Variants in KCNMA1 observed in about 807,000 individuals in gnomAD.
KCNMA1 encodes the protein Calcium-activated potassium channel subunit alpha-1.
A neutral mutation model predicts 140.0 loss-of-function variants in KCNMA1; 29 were observed. The ratio of observed to expected loss-of-function variants is 0.21; its 90% confidence interval spans 0.15 to 0.28. KCNMA1 has a LOEUF of 0.28. Among genes scored for constraint, KCNMA1 ranks in the 10% least tolerant of loss-of-function variants. The pLI, the probability that KCNMA1 is intolerant of heterozygous loss-of-function variation, is 1.00. For missense variants in KCNMA1, 880 were observed against 1,602.2 expected, an observed-to-expected ratio of 0.55 and a Z score of 7.70; for synonymous variants, 612 against 611.9, an observed-to-expected ratio of 1.00 and a Z score of 0.00.
chr10:77,358,151 G>A (rs73286078), intron 2 of KCNMA1, among the ~76,000 whole-genome samples: 2,247 of 152,146 alleles, frequency 0.015, 54 homozygotes, highest in African/African-American at 0.051. Flanking sequence ...AGAATCCTCC[G>A]TCCCACCCCC....
At chr10:77,387,793 T>C (rs1453238535) in intron 2 of KCNMA1, among the ~76,000 whole-genome samples, 1 of 152,038 alleles carries the variant, frequency 6.6e-6, no homozygotes, top group Non-Finnish European at 1.5e-5. Flanking sequence ...AATTTTTACA[T>C]TTTTAGTTGA....
chr10:77,013,742 T>C (rs2091401188), intron 17 of KCNMA1, among the ~76,000 whole-genome samples: 1 of 152,164 alleles, frequency 6.6e-6, no homozygotes, highest in African/African-American at 2.4e-5. Context: ...GAAGGAGGTA[T>C]GATTATTATT....
rs553254529 is a variant in KCNMA1, at chr10:77,450,930, A to G, written c.379-46907T>C. On this transcript the variant is annotated intron_variant, in intron 1 of 27. Coordinates refer to ENST00000286628, the MANE Select transcript of KCNMA1 (RefSeq NM_001161352.2). ...GTTCTCATTATAGTGAATAGGTCTC[A>G]TGAGATCTGATGGTTTTATTAAGGG... Among the ~76,000 whole-genome samples the G allele has an allele frequency of 2.4e-4, 36 of 152,324 alleles. 1 individual carries two copies. In the South Asian group the frequency reaches 7.2e-3, roughly 31 times the overall value.
At chr10:77,631,084 G>C (rs2093133632) in intron 1 of KCNMA1, among the ~76,000 whole-genome samples, 1 of 121,960 alleles carries the variant, frequency 8.2e-6, no homozygotes, top group South Asian at 2.5e-4. Flanking sequence ...TCCAGCCTGG[G>C]CAACAGAGTG....
intron 1 of KCNMA1, among the ~76,000 whole-genome samples, chr10:77,547,255 C>A (rs1426875148): frequency 6.6e-6 from 1 of 152,206 alleles, no homozygotes; most frequent in African/African-American, 2.4e-5. Flanking sequence ...CAGACATCTA[C>A]TTTCAAGCTG....
intron 23 of KCNMA1, among the ~76,000 whole-genome samples, chr10:76,919,549 C>T (rs1321824630): frequency 6.6e-6 from 1 of 152,004 alleles, no homozygotes. Flanking sequence ...TTTGAACTTC[C>T]CAGATTATCT....
At chr10:77,075,182 CAAAGG>C (rs1406104765) in intron 13 of KCNMA1, among the ~76,000 whole-genome samples, 1 of 152,168 alleles carries the variant, frequency 6.6e-6, no homozygotes, top group African/African-American at 2.4e-5. Context: ...GTCAAACTAT[CAAAGG>C]ACCTTCCCCA....
chr10:77,483,510 T>C (rs540107681), intron 1 of KCNMA1, among the ~76,000 whole-genome samples: 14 of 152,260 alleles, frequency 9.2e-5, no homozygotes, highest in Non-Finnish European at 1.8e-4. Flanking sequence ...CTGGGAAAAC[T>C]GGGGTGGAGG....
intron 23 of KCNMA1, chr10:76,939,847 T>A (rs2061523713): frequency 6.6e-6 from 1 of 152,194 alleles, no homozygotes; most frequent in South Asian, 2.1e-4. Flanking sequence ...TCTTCCAAGA[T>A]CAGACTCAGT....
downstream of KCNMA1, chr10:76,873,981 C>G (rs775741990): frequency 3.3e-5 from 5 of 151,854 alleles, no homozygotes; most frequent in Non-Finnish European, 7.4e-5. Flanking sequence ...AATTTGGGGT[C>G]TCTTGAACCT....
intron 6 of KCNMA1, among the ~76,000 whole-genome samples, chr10:77,118,076 T>G (rs1212461117): frequency 1.3e-5 from 2 of 152,210 alleles, no homozygotes; most frequent in African/African-American, 4.8e-5. Context: ...CAACTCCAAA[T>G]CATTATTTCA....
intron 9 of KCNMA1, among the ~76,000 whole-genome samples, chr10:77,100,067 G>A (rs1461048616): frequency 6.6e-6 from 1 of 152,146 alleles, no homozygotes; most frequent in Non-Finnish European, 1.5e-5. Flanking sequence ...GCATTTCACT[G>A]GGAAGACGCT....
intron 1 of KCNMA1, among the ~76,000 whole-genome samples, chr10:77,527,249 C>T (rs1045643524): frequency 6.6e-6 from 1 of 152,240 alleles, no homozygotes; most frequent in Admixed American, 6.5e-5. Flanking sequence ...TGGGGCTCCC[C>T]TCTTCATTTC....
intron 3 of KCNMA1, among the ~76,000 whole-genome samples, chr10:77,214,024 C>A (rs2046942657): frequency 6.6e-6 from 1 of 152,136 alleles, no homozygotes; most frequent in Admixed American, 6.6e-5. Context: ...CCACCATTGT[C>A]ATCACCCCTG....
At chr10:77,244,615 T>C (rs1284200499) in intron 3 of KCNMA1, among the ~76,000 whole-genome samples, 1 of 152,172 alleles carries the variant, frequency 6.6e-6, no homozygotes, top group African/African-American at 2.4e-5. Flanking sequence ...TCTACCTATA[T>C]GGAGACAAGG....
chr10:77,286,766 CGGGGGGGG>C (rs59896024), intron 2 of KCNMA1, among the ~76,000 whole-genome samples: 34,537 of 137,032 alleles, frequency 0.25, 4,841 homozygotes, highest in Admixed American at 0.32. Context: ...TGTGTGTGTG[CGGGGGGGG>C]GGGGGGGGTT....
At chr10:77,038,701 G>A (rs997909099) in intron 15 of KCNMA1, among the ~76,000 whole-genome samples, 13 of 152,032 alleles carry the variant, frequency 8.6e-5, no homozygotes, top group South Asian at 2.1e-4. Flanking sequence ...CACCACACTC[G>A]GCTAATTTTC....
chr10:77,059,146 C>G (rs1375578599), intron 14 of KCNMA1, among the ~76,000 whole-genome samples: 5 of 151,844 alleles, frequency 3.3e-5, no homozygotes, highest in African/African-American at 1.2e-4. Context: ...TCACAACTCA[C>G]CCAAGATTAA....
chr10:77,517,504 T>G (rs1284326630), intron 1 of KCNMA1, among the ~76,000 whole-genome samples: 1 of 152,192 alleles, frequency 6.6e-6, no homozygotes, highest in African/African-American at 2.4e-5. Context: ...GAGCATTGCA[T>G]CCACTGGGAG....
Sources: gnomAD v4.1 joint callset for allele counts (sites outside exome capture counted in the v4.1 genomes callset) on GRCh38, gnomAD v4.1.1 for gene constraint, MANE v1.5 for transcripts, NCBI Gene and HGNC (gene_info 2026-07-23, HGNC 2026-07-21) for gene names.